NR5A2: variants seen among roughly 807,000 people sequenced by gnomAD.
NR5A2 encodes the protein nuclear receptor subfamily 5 group A member 2, also known as CYP7A promoter-binding factor.
A neutral mutation model predicts 62.7 loss-of-function variants in NR5A2; 26 were observed. That is an observed-to-expected ratio of 0.41 (90% CI 0.30 to 0.58). The LOEUF (loss-of-function observed/expected upper bound fraction) is 0.58, where lower values mean the gene tolerates loss of function less well. Among genes scored for constraint, NR5A2 ranks in the 20% least tolerant of loss-of-function variants. The pLI, the probability that NR5A2 is intolerant of heterozygous loss-of-function variation, is 0.22. For missense variants in NR5A2, 541 were observed against 669.1 expected (o/e 0.81, Z 2.11); for synonymous variants, 246 against 241.7 (o/e 1.02, Z -0.16).
chr1:200,117,502 A>ATAATCC (rs1486540790), intron 6 of NR5A2, among the ~76,000 whole-genome samples: 36 of 152,358 alleles, frequency 2.4e-4, no homozygotes, highest in African/African-American at 7.5e-4. Flanking sequence ...CACTAAATAT[A>ATAATCC]TAATCCTATG....
At chr1:200,148,765 C>G (rs1300752364) in intron 7 of NR5A2, among the ~76,000 whole-genome samples, 1 of 152,146 alleles carries the variant, frequency 6.6e-6, no homozygotes, top group Non-Finnish European at 1.5e-5. Context: ...ATAATCTACA[C>G]AAATGAGATT....
chr1:200,144,254 C>A (rs1342476032), intron 7 of NR5A2, among the ~76,000 whole-genome samples: 1 of 151,716 alleles, frequency 6.6e-6, no homozygotes, highest in Non-Finnish European at 1.5e-5. Flanking sequence ...CACACACACA[C>A]ACACACACAC....
chr1:200,047,149 T>C (rs866602040), intron 4 of NR5A2, among the ~76,000 whole-genome samples: 4 of 152,232 alleles, frequency 2.6e-5, no homozygotes, highest in Admixed American at 1.3e-4. Context: ...CATTGGCCAC[T>C]ATGGACTTAG....
chr1:200,161,585 C>T (rs1653645582), intron 7 of NR5A2, among the ~76,000 whole-genome samples: 1 of 152,180 alleles, frequency 6.6e-6, no homozygotes, highest in African/African-American at 2.4e-5. Context: ...CACTTCACAA[C>T]ATCAAACATA....
chr1:200,121,083 T>A (rs769349063), intron 7 of NR5A2, 128 bp downstream of exon 7: 6 of 958,368 alleles, frequency 6.3e-6, no homozygotes, highest in Admixed American at 4.6e-5. Context: ...AATTATGAAA[T>A]CTTCAAACGT....
chr1:200,080,104 AAGG>A (rs1353254768), intron 5 of NR5A2, among the ~76,000 whole-genome samples: 2 of 152,224 alleles, frequency 1.3e-5, no homozygotes, highest in African/African-American at 4.8e-5. Context: ...TTGGAGAAAG[AAGG>A]AGAACAGACA....
chr1:200,147,627 C>G lies in NR5A2; in HGVS notation c.1379-26336C>G, dbSNP rs981051047. On this transcript the variant is annotated intron_variant, in intron 7 of 7. Coordinates refer to ENST00000367362, the MANE Select transcript of NR5A2 (RefSeq NM_205860.3). The surrounding 1 kb of genome is among the most constrained non-coding windows in gnomAD (Gnocchi z 4.9). ...CATTTTCGCACAGGCAGCGCCGCAG[C>G]TTGCCCTGGATCTTGTCGATTGAGT... 7.0e-6 allele frequency: 5 copies of G among 714,038 alleles called. No individual in the cohort carries two copies. The highest frequency in any genetic ancestry group is 1.0e-5 in the Non-Finnish European group (4 of 381,042). 44.2% of individuals were successfully genotyped at this position (714,038 alleles called of 1,614,324 possible). A position where few individuals can be genotyped will look rare whatever the true frequency, so the allele number is the denominator to read the frequency against.
intron 7 of NR5A2, among the ~76,000 whole-genome samples, chr1:200,131,579 T>C (rs1285199663): frequency 6.6e-6 from 1 of 152,194 alleles, no homozygotes; most frequent in Admixed American, 6.5e-5. Flanking sequence ...CATGTGCTCT[T>C]GGTTGATGTT....
chr1:200,101,745 C>T (rs1016653169), intron 5 of NR5A2, among the ~76,000 whole-genome samples: 1 of 152,098 alleles, frequency 6.6e-6, no homozygotes, highest in Non-Finnish European at 1.5e-5. Flanking sequence ...AAAAGTCTAC[C>T]AGGACTGCGG....
chr1:200,065,123 A>C (rs754476422), intron 5 of NR5A2, among the ~76,000 whole-genome samples: 47 of 149,984 alleles, frequency 3.1e-4, no homozygotes, highest in Middle Eastern at 3.5e-3. Context: ...TTGACCAGAA[A>C]GTTTTCTTTT....
chr1:200,048,475 A>C lies in NR5A2; in HGVS notation c.767A>C (p.Gln256Pro). Residue 256 changes from glutamine (Q) to proline (P), a missense_variant, in exon 5 of 8, where the codon CAA becomes CCA. Transcript: ENST00000367362. The surrounding 1 kb of genome is among the most constrained non-coding windows in gnomAD (Gnocchi z 4.8). The part of the protein sequence containing the change: ...SMTMPPHGSL[Q>P]GYQTYGHFPS... ...ACAATGCCCCCTCACGGCAGCCTGCAAGGTTACCAAACATATGGCCACTTT... is the reference window on the plus strand; with the variant it reads ...ACAATGCCCCCTCACGGCAGCCTGCCAGGTTACCAAACATATGGCCACTTT... The C allele has an allele frequency of 1.2e-6, 2 of 1,614,222 alleles. No homozygotes were observed. The highest frequency in any genetic ancestry group is 1.7e-6 in the Non-Finnish European group (2 of 1,180,038).
chr1:200,083,502 A>G (rs981936086), intron 5 of NR5A2, among the ~76,000 whole-genome samples: 3 of 152,214 alleles, frequency 2.0e-5, no homozygotes, highest in Non-Finnish European at 4.4e-5. Flanking sequence ...TATGCATTTT[A>G]TGGATTCCTG....
chr1:200,121,064 T>G, intron 7 of NR5A2, 109 bp downstream of exon 7: 1 of 1,123,954 alleles, frequency 8.9e-7, no homozygotes, highest in Non-Finnish European at 1.3e-6. Flanking sequence ...TATAATGCCC[T>G]TCCTGTCAAA....
At chr1:200,073,170 A>C (rs1255378983) in intron 5 of NR5A2, among the ~76,000 whole-genome samples, 2 of 150,700 alleles carry the variant, frequency 1.3e-5, no homozygotes, top group Non-Finnish European at 3.0e-5. Context: ...CTGAACCAAA[A>C]GTCAGGTTTC....
At chr1:200,154,666 C>A (rs772242578) in intron 7 of NR5A2, among the ~76,000 whole-genome samples, 2 of 152,116 alleles carry the variant, frequency 1.3e-5, no homozygotes, top group Non-Finnish European at 2.9e-5. Flanking sequence ...CTGACCTGGG[C>A]AACATAGTGA....
intron 7 of NR5A2, among the ~76,000 whole-genome samples, chr1:200,132,964 C>T (rs778942320): frequency 6.6e-6 from 1 of 152,144 alleles, no homozygotes; most frequent in Non-Finnish European, 1.5e-5. Flanking sequence ...CGTCTTATTT[C>T]TGAGTAAGAA....
intron 5 of NR5A2, among the ~76,000 whole-genome samples, chr1:200,052,468 G>A (rs1662682169): frequency 6.6e-6 from 1 of 152,038 alleles, no homozygotes; most frequent in African/African-American, 2.4e-5. Context: ...TTACAGACAG[G>A]AGCCATTGTG....
rs555897687 is a variant in NR5A2 at position 200,171,750 on chromosome 1, A to G, written c.1379-2213A>G. 3.5e-3 allele frequency among the ~76,000 whole-genome samples: 529 copies of G among 152,320 alleles called. 1 individual carries two copies. Among genetic ancestry groups the G allele is most frequent in the African/African-American group, 0.012 (494 of 41,572 alleles). On this transcript the variant is annotated intron_variant, in intron 7 of 7. Coordinates refer to ENST00000367362, the MANE Select transcript of NR5A2 (RefSeq NM_205860.3). ...GCAACAGAGCAAGACTCTGTCTCAA[A>G]ATAAAAAAAAGAAAGAAGTTAACCA...
At chr1:200,131,526 G>A (rs960992596) in intron 7 of NR5A2, among the ~76,000 whole-genome samples, 1 of 152,166 alleles carries the variant, frequency 6.6e-6, no homozygotes, top group Non-Finnish European at 1.5e-5. Context: ...ATATTGGCCA[G>A]GCAAGCTAGG....
Sources: allele counts gnomAD v4.1 joint callset (sites outside exome capture counted in the v4.1 genomes callset), GRCh38; gene constraint gnomAD v4.1.1; non-coding constraint Gnocchi (gnomAD v3.1); transcripts MANE v1.5; gene names NCBI Gene and HGNC (gene_info 2026-07-23, HGNC 2026-07-21).